ELAVL4: variants seen among roughly 807,000 people sequenced by gnomAD.
ELAVL4 encodes the protein ELAV like RNA binding protein 4.
ELAVL4 carries 1 observed loss-of-function variant against 35.6 expected under a neutral mutation model. The observed-to-expected ratio is 0.03, with a 90% CI of 0.01 to 0.13. ELAVL4 has a LOEUF of 0.13. Among genes scored for constraint, ELAVL4 ranks in the 10% least tolerant of loss-of-function variants. The probability of loss-of-function intolerance (pLI) is 1.00; values close to 1 mark genes in which losing one functional copy is unlikely to be tolerated. For synonymous variants in ELAVL4, 156 were observed against 171.0 expected (o/e 0.91, Z 0.69); for missense variants, 267 against 464.9 (o/e 0.57, Z 3.91).
At position 50,074,777 on chromosome 1, in the gene ELAVL4, A is replaced by G. The variant is rs1043654791; in HGVS notation, c.18+26595A>G. 3.3e-5 allele frequency among the ~76,000 whole-genome samples: 5 copies of G among 152,172 alleles called. No individual in the cohort carries two copies. In the South Asian group the frequency reaches 6.2e-4, roughly 19 times the overall value. Reference sequence around the variant, plus strand: ...GGGGACAGTGGATCAGTCTGGGTAGACAGAACAGTAAAGGCAGAGGTAGGA... The same window carrying G: ...GGGGACAGTGGATCAGTCTGGGTAGGCAGAACAGTAAAGGCAGAGGTAGGA... On this transcript the variant is annotated intron_variant, in intron 1 of 6. Coordinates refer to the ELAVL4 transcript ENST00000448907.
intron 3 of ELAVL4, among the ~76,000 whole-genome samples, chr1:50,191,900 C>T (rs1246068663): frequency 4.6e-5 from 7 of 152,174 alleles, no homozygotes; most frequent in Non-Finnish European, 8.8e-5. Flanking sequence ...ACAAGGGTGA[C>T]CCTCATTGCC....
chr1:50,108,290 C>G (rs1010285591), upstream of ELAVL4, among the ~76,000 whole-genome samples: 2 of 152,046 alleles, frequency 1.3e-5, no homozygotes, highest in African/African-American at 4.8e-5. Flanking sequence ...TTGTATGAAC[C>G]TAGTTCACGG....
chr1:50,084,077 T>C (rs910076973), intron 1 of ELAVL4, among the ~76,000 whole-genome samples: 2 of 152,220 alleles, frequency 1.3e-5, no homozygotes, highest in African/African-American at 4.8e-5. Context: ...AATTTTTCTT[T>C]AGCCATCAGG....
rs891529472 is a variant in ELAVL4, at chr1:50,202,854, T to C, written c.*1676T>C. On this transcript the variant is annotated 3_prime_UTR_variant, in exon 7 of 7. Transcript: ENST00000371824. ...TATATTGTCATGTTTGTTGTGAATA[T>C]TTTTTCTTACTGCACAGTAGAAAAA... 3.9e-5 allele frequency: 6 copies of C among 152,300 alleles called. No homozygotes were observed. Among genetic ancestry groups the C allele is most frequent in the Non-Finnish European group, 7.4e-5 (5 of 68,022 alleles). 9.4% of individuals were successfully genotyped at this position (152,300 alleles called of 1,614,324 possible). A position where few individuals can be genotyped will look rare whatever the true frequency, so the allele number is the denominator to read the frequency against.
intron 1 of ELAVL4, among the ~76,000 whole-genome samples, chr1:50,071,032 G>A (rs929453302): frequency 2.9e-4 from 44 of 151,912 alleles, no homozygotes; most frequent in Non-Finnish European, 5.9e-4. Flanking sequence ...GCTCCTTAGC[G>A]CCATCCTGCT....
intron 1 of ELAVL4, among the ~76,000 whole-genome samples, chr1:50,074,566 G>T (rs1325538749): frequency 6.6e-6 from 1 of 151,826 alleles, no homozygotes; most frequent in Non-Finnish European, 1.5e-5. Flanking sequence ...AAGGGACCCA[G>T]TCTGTTGCCT....
chr1:50,129,762 A>G (rs1342807826), intron 1 of ELAVL4, among the ~76,000 whole-genome samples: 1 of 152,146 alleles, frequency 6.6e-6, no homozygotes, highest in Non-Finnish European at 1.5e-5. Flanking sequence ...TTAAATTCCA[A>G]GGATAAATCT....
At chr1:50,086,209 A>G (rs938868935) in intron 1 of ELAVL4, among the ~76,000 whole-genome samples, 12 of 152,170 alleles carry the variant, frequency 7.9e-5, no homozygotes, top group African/African-American at 2.6e-4. Context: ...TTTTAAGCTT[A>G]TAAGAGTCCA....
intron 2 of ELAVL4, chr1:50,174,180 A>G (rs2148817295): frequency 6.6e-6 from 1 of 152,330 alleles, no homozygotes; most frequent in East Asian, 1.9e-4. Flanking sequence ...TTAATCCTCT[A>G]CAGGACATGT....
At chr1:50,178,073 T>G (rs1418563956) in intron 3 of ELAVL4, among the ~76,000 whole-genome samples, 1 of 152,170 alleles carries the variant, frequency 6.6e-6, no homozygotes, top group East Asian at 1.9e-4. Context: ...GGATGGAGCC[T>G]GCCTCCTCCT....
At chr1:50,166,050 C>G (rs562915835) in intron 2 of ELAVL4, among the ~76,000 whole-genome samples, 10 of 151,950 alleles carry the variant, frequency 6.6e-5, no homozygotes, top group African/African-American at 2.2e-4. Context: ...TTTCTGCCTG[C>G]TTTATATTCT....
chr1:50,062,832 T>C (rs1438109290), intron 1 of ELAVL4, among the ~76,000 whole-genome samples: 1 of 152,154 alleles, frequency 6.6e-6, no homozygotes, highest in Non-Finnish European at 1.5e-5. Context: ...CTATCTTGCT[T>C]CCCGATGATA....
At chr1:50,099,141 A>C (rs996870140), upstream of ELAVL4, among the ~76,000 whole-genome samples, 3 of 152,238 alleles carry the variant, frequency 2.0e-5, no homozygotes, top group African/African-American at 7.2e-5. Context: ...GAATTATTTG[A>C]AATCAATAAT....
At chr1:50,192,521 A>ACACACACG (rs959114359) in intron 3 of ELAVL4, among the ~76,000 whole-genome samples, 1 of 95,326 alleles carries the variant, frequency 1.0e-5, no homozygotes, top group East Asian at 4.9e-4. Context: ...GTGTGCACGC[A>ACACACACG]CACACACACA....
intron 2 of ELAVL4, among the ~76,000 whole-genome samples, chr1:50,171,793 C>G (rs771463920): frequency 6.6e-6 from 1 of 152,188 alleles, no homozygotes; most frequent in Non-Finnish European, 1.5e-5. Context: ...AGATTTAAGC[C>G]TGCTGAAAGC....
In ELAVL4 at chr1:50,154,194, C is replaced by T. The variant is rs530962201; in HGVS notation, c.250+8997C>T. 2.6e-4 allele frequency among the ~76,000 whole-genome samples: 40 copies of T among 152,286 alleles called. 1 individual carries two copies. The South Asian group carries it at 7.5e-3, about 28-fold the overall frequency. On this transcript the variant is annotated intron_variant, in intron 2 of 6. Transcript: ENST00000371824. ...TTTATCCAGGGTCACAGTTAATAAG[C>T]GGTGGAGCTGATATTTGAACCCAAG... is the stretch of plus-strand genomic sequence containing the variant.
intron 1 of ELAVL4, among the ~76,000 whole-genome samples, chr1:50,111,701 G>C (rs1232597822): frequency 3.3e-5 from 5 of 152,066 alleles, no homozygotes; most frequent in Admixed American, 2.6e-4. Flanking sequence ...TTCTGGTCTT[G>C]GCACAAACTG....
At chr1:50,133,635 G>GAAAGAAAGAAAGAA (rs1557755240) in intron 1 of ELAVL4, among the ~76,000 whole-genome samples, 1 of 148,886 alleles carries the variant, frequency 6.7e-6, no homozygotes, top group Non-Finnish European at 1.5e-5. Context: ...AAGAAAGAAA[G>GAAAGAAAGAAAGAA]AAAGAAAGAA....
chr1:50,122,041 A>T (rs566172713), intron 1 of ELAVL4, among the ~76,000 whole-genome samples: 1 of 152,184 alleles, frequency 6.6e-6, no homozygotes, highest in East Asian at 1.9e-4. Context: ...GAACAAACTT[A>T]AAAGGTAAAT....
Sources: allele counts gnomAD v4.1 joint callset (sites outside exome capture counted in the v4.1 genomes callset), GRCh38; gene constraint gnomAD v4.1.1; transcripts MANE v1.5; gene names NCBI Gene and HGNC (gene_info 2026-07-23, HGNC 2026-07-21).